GPC5: variants seen among roughly 807,000 people sequenced by gnomAD.
The protein encoded by GPC5 is glypican 5.
In GPC5, 47 loss-of-function variants were observed where a neutral mutation model predicts 53.9. The ratio of observed to expected loss-of-function variants is 0.87; its 90% CI spans 0.69 to 1.11. The LOEUF (loss-of-function observed/expected upper bound fraction) is 1.11. GPC5 is among the 50% of genes most tolerant of loss of function. The pLI, the probability that GPC5 is intolerant of heterozygous loss-of-function variation, is 0.00. For missense variants in GPC5, 748 were observed against 713.1 expected, an observed-to-expected ratio of 1.05 and a Z score of -0.56; for synonymous variants, 286 against 263.3, an observed-to-expected ratio of 1.09 and a Z score of -0.84.
chr13:92,040,790 T>G (rs948431233), intron 6 of GPC5, among the ~76,000 whole-genome samples: 25 of 152,160 alleles, frequency 1.6e-4, no homozygotes, highest in Admixed American at 1.4e-3. Context: ...GTGTTTGGGG[T>G]CTTTATTTAG....
chr13:92,121,044 A>G (rs2041644885), intron 6 of GPC5, among the ~76,000 whole-genome samples: 1 of 152,240 alleles, frequency 6.6e-6, no homozygotes, highest in Non-Finnish European at 1.5e-5. Context: ...ACAGGAGGAT[A>G]GAGATGCCCA....
chr13:92,810,802 C>T (rs1307344751), intron 7 of GPC5, among the ~76,000 whole-genome samples: 1 of 151,980 alleles, frequency 6.6e-6, no homozygotes, highest in African/African-American at 2.4e-5. Flanking sequence ...CTCACTGCAA[C>T]CTTTGCCTCC....
chr13:92,353,289 T>C (rs1219050288), intron 7 of GPC5, among the ~76,000 whole-genome samples: 1 of 118,640 alleles, frequency 8.4e-6, no homozygotes, highest in Non-Finnish European at 1.8e-5. Context: ...AAAAAAGAAA[T>C]GTGTATCAGT....
intron 2 of GPC5, among the ~76,000 whole-genome samples, chr13:91,570,628 C>T (rs1375665136): frequency 6.6e-6 from 1 of 152,070 alleles, no homozygotes; most frequent in Non-Finnish European, 1.5e-5. Context: ...CGAGCAATTA[C>T]CCAAATTCCT....
chr13:92,732,657 T>C (rs1414492950), intron 7 of GPC5, among the ~76,000 whole-genome samples: 1 of 151,686 alleles, frequency 6.6e-6, no homozygotes, highest in Admixed American at 6.6e-5. Flanking sequence ...TAATGTCAGA[T>C]CCAGACAATT....
At chr13:92,670,055 C>T (rs2139203493) in intron 7 of GPC5, among the ~76,000 whole-genome samples, 1 of 152,300 alleles carries the variant, frequency 6.6e-6, no homozygotes, top group East Asian at 1.9e-4. Flanking sequence ...GGGTTGCTCA[C>T]TACGGATTTC....
At chr13:91,580,540 C>G (rs867796273) in intron 2 of GPC5, among the ~76,000 whole-genome samples, 2 of 152,252 alleles carry the variant, frequency 1.3e-5, no homozygotes, top group South Asian at 2.1e-4. Context: ...TAGCTTTGCT[C>G]TTACTTCAAT....
chr13:92,786,597 T>C (rs185822107), intron 7 of GPC5, among the ~76,000 whole-genome samples: 1 of 152,060 alleles, frequency 6.6e-6, no homozygotes, highest in Non-Finnish European at 1.5e-5. Context: ...GGCAAAATCT[T>C]CTAGTAAAAT....
intron 7 of GPC5, among the ~76,000 whole-genome samples, chr13:92,381,878 GATTATA>G (rs2043745307): frequency 2.6e-5 from 2 of 76,150 alleles, no homozygotes; most frequent in African/African-American, 1.1e-4. Context: ...TCATATATAT[GATTATA>G]TATATTATAT....
intron 1 of GPC5, among the ~76,000 whole-genome samples, chr13:91,404,893 T>C (rs1877204909): frequency 6.6e-6 from 1 of 152,240 alleles, no homozygotes; most frequent in Non-Finnish European, 1.5e-5. Context: ...AGCATGACTA[T>C]TTTTTGAAAG....
chr13:92,834,268 C>G (rs1878149347), intron 7 of GPC5, among the ~76,000 whole-genome samples: 1 of 152,146 alleles, frequency 6.6e-6, no homozygotes, highest in South Asian at 2.1e-4. Context: ...TTTATTTTCT[C>G]TTTCAATGGT....
At chr13:92,512,656 CA>C (rs1880616674) in intron 7 of GPC5, among the ~76,000 whole-genome samples, 1 of 152,224 alleles carries the variant, frequency 6.6e-6, no homozygotes, top group East Asian at 1.9e-4. Flanking sequence ...TCTGTATTTT[CA>C]GTGTTCATTT....
chr13:92,722,516 A>C (rs371256800), intron 7 of GPC5, among the ~76,000 whole-genome samples: 23 of 152,086 alleles, frequency 1.5e-4, no homozygotes, highest in South Asian at 1.2e-3. Context: ...GCCCCACTTA[A>C]GAGTTCTCAA....
At chr13:91,464,427 G>T (rs1338245015) in intron 2 of GPC5, among the ~76,000 whole-genome samples, 3 of 152,098 alleles carry the variant, frequency 2.0e-5, no homozygotes, top group Non-Finnish European at 4.4e-5. Context: ...ATACACGAAT[G>T]TTCATAGCAG....
At chr13:92,444,948 G>A (rs1016811316) in intron 7 of GPC5, among the ~76,000 whole-genome samples, 1 of 152,084 alleles carries the variant, frequency 6.6e-6, no homozygotes, top group Non-Finnish European at 1.5e-5. Context: ...ATCTTAGCAG[G>A]TGCTATTTTC....
intron 2 of GPC5, among the ~76,000 whole-genome samples, chr13:91,542,537 G>T (rs2030006114): frequency 6.6e-6 from 1 of 152,240 alleles, no homozygotes; most frequent in African/African-American, 2.4e-5. Flanking sequence ...CAGAGCCAGT[G>T]TATGTGTAGG....
intron 6 of GPC5, among the ~76,000 whole-genome samples, chr13:92,002,437 G>T (rs1412541355): frequency 2.0e-5 from 3 of 152,052 alleles, no homozygotes; most frequent in Non-Finnish European, 4.4e-5. Context: ...CCAAGAACTG[G>T]GCAGGAGTCA....
chr13:92,441,222 C>G (rs1371875864), intron 7 of GPC5, among the ~76,000 whole-genome samples: 1 of 152,158 alleles, frequency 6.6e-6, no homozygotes, highest in African/African-American at 2.4e-5. Flanking sequence ...GTGTGCACCA[C>G]CACACCTGGC....
chr13:92,743,870 T>C (rs928152938), intron 7 of GPC5, among the ~76,000 whole-genome samples: 1 of 152,202 alleles, frequency 6.6e-6, no homozygotes, highest in African/African-American at 2.4e-5. Flanking sequence ...TGGTTCTGTT[T>C]ATATGCTGGA....
Sources: gnomAD v4.1 joint callset for allele counts (sites outside exome capture counted in the v4.1 genomes callset) on GRCh38, gnomAD v4.1.1 for gene constraint, MANE v1.5 for transcripts, NCBI Gene and HGNC (gene_info 2026-07-23, HGNC 2026-07-21) for gene names.